Variants in GHR observed in about 807,000 individuals in gnomAD.
GHR encodes the protein GH receptor.
In GHR, 35 loss-of-function variants were observed where a neutral mutation model predicts 67.1. The observed-to-expected ratio is 0.52, with a 90% CI of 0.40 to 0.69. GHR has a LOEUF of 0.69. Ranked by LOEUF, GHR falls within the 30% of genes least tolerant of loss-of-function variation. The pLI, the probability that GHR is intolerant of heterozygous loss-of-function variation, is 0.00. For synonymous variants in GHR, 272 were observed against 269.1 expected, an observed-to-expected ratio of 1.01 and a Z score of -0.10; for missense variants, 792 against 764.6, an observed-to-expected ratio of 1.04 and a Z score of -0.42.
At chr5:42,670,548 T>C (rs1756222866) in intron 3 of GHR, among the ~76,000 whole-genome samples, 1 of 152,126 alleles carries the variant, frequency 6.6e-6, no homozygotes, top group African/African-American at 2.4e-5. Context: ...AAAACTTCTG[T>C]ACAGCAGATG....
intron 3 of GHR, among the ~76,000 whole-genome samples, chr5:42,646,111 G>C (rs1754715869): frequency 6.6e-6 from 1 of 152,068 alleles, no homozygotes; most frequent in South Asian, 2.1e-4. Flanking sequence ...CTGCCCCTAA[G>C]GTTCCATGGA....
chr5:42,611,511 T>A (rs1360248993), intron 2 of GHR, among the ~76,000 whole-genome samples: 1 of 152,174 alleles, frequency 6.6e-6, no homozygotes, highest in Non-Finnish European at 1.5e-5. Context: ...CCCCTTCCCA[T>A]GGGCCAAGCC....
chr5:42,544,384 A>G (rs1748646719), intron 1 of GHR, among the ~76,000 whole-genome samples: 1 of 152,198 alleles, frequency 6.6e-6, no homozygotes, highest in South Asian at 2.1e-4. Context: ...TTTGCTGACA[A>G]TTGTTAACAG....
chr5:42,478,233 A>G (rs1745435023), intron 1 of GHR, among the ~76,000 whole-genome samples: 1 of 152,108 alleles, frequency 6.6e-6, no homozygotes, highest in Non-Finnish European at 1.5e-5. Flanking sequence ...GTTCGGTTCC[A>G]TTGGTCTATA....
chr5:42,588,139 T>G (rs1751581226), intron 2 of GHR, among the ~76,000 whole-genome samples: 1 of 152,228 alleles, frequency 6.6e-6, no homozygotes, highest in South Asian at 2.1e-4. Context: ...CAGATCATAC[T>G]GATGCAGATT....
At chr5:42,636,932 G>A (rs1754224330) in intron 3 of GHR, among the ~76,000 whole-genome samples, 1 of 152,046 alleles carries the variant, frequency 6.6e-6, no homozygotes, top group Non-Finnish European at 1.5e-5. Flanking sequence ...TATTACTTAG[G>A]AAAAAATGTT....
chr5:42,714,386 A>C (rs1423498098), intron 8 of GHR, among the ~76,000 whole-genome samples: 1 of 152,170 alleles, frequency 6.6e-6, no homozygotes, highest in Non-Finnish European at 1.5e-5. Flanking sequence ...CCTAGAATTG[A>C]AAATACGTTC....
At chr5:42,658,313 C>A (rs1755368124) in intron 3 of GHR, among the ~76,000 whole-genome samples, 1 of 152,094 alleles carries the variant, frequency 6.6e-6, no homozygotes, top group African/African-American at 2.4e-5. Flanking sequence ...GATTCACATC[C>A]CAGCTTTGCT....
At position 42,542,743 on chromosome 5, in the gene GHR, T is replaced by C. The variant is rs371136141; in HGVS notation, c.-11-23121T>C. Among the ~76,000 whole-genome samples the C allele has an allele frequency of 4.7e-4, 71 of 152,252 alleles. 2 individuals are homozygous for C. In the South Asian group the frequency reaches 0.011, roughly 23 times the overall value. On this transcript the variant is annotated intron_variant, in intron 1 of 9. Coordinates refer to ENST00000230882, the MANE Select transcript of GHR (RefSeq NM_000163.5). ...TTTAGTTCATCCATCACCCAAGTAA[T>C]GTACATTGCACCCAATATACACCTT...
intron 1 of GHR, among the ~76,000 whole-genome samples, chr5:42,470,767 G>T (rs896489047): frequency 6.6e-6 from 1 of 152,106 alleles, no homozygotes; most frequent in African/African-American, 2.4e-5. Flanking sequence ...CAGTGCTCAG[G>T]TGTTTCTTAC....
At chr5:42,624,300 A>T (rs1013476353) in intron 2 of GHR, among the ~76,000 whole-genome samples, 11 of 152,160 alleles carry the variant, frequency 7.2e-5, no homozygotes, top group African/African-American at 2.4e-4. Context: ...CACTCTCCTT[A>T]GGATCTCATA....
intron 1 of GHR, among the ~76,000 whole-genome samples, chr5:42,474,542 A>G (rs1745208699): frequency 6.6e-6 from 1 of 152,064 alleles, no homozygotes; most frequent in South Asian, 2.1e-4. Context: ...TTGGCCAGTT[A>G]TTTCTGAATA....
At chr5:42,496,997 G>A (rs1322129304) in intron 1 of GHR, among the ~76,000 whole-genome samples, 2 of 152,180 alleles carry the variant, frequency 1.3e-5, no homozygotes, top group East Asian at 1.9e-4. Flanking sequence ...GGGGCCAGGA[G>A]TGAGGGGCCT....
At chr5:42,660,698 G>T (rs559963384) in intron 3 of GHR, among the ~76,000 whole-genome samples, 1 of 152,334 alleles carries the variant, frequency 6.6e-6, no homozygotes, top group Non-Finnish European at 1.5e-5. Context: ...CTGAAAAGCA[G>T]AGCACCTCTC....
At chr5:42,444,451 G>A (rs1743722540) in intron 1 of GHR, among the ~76,000 whole-genome samples, 2 of 152,292 alleles carry the variant, frequency 1.3e-5, no homozygotes, top group South Asian at 4.1e-4. Flanking sequence ...ACATACCTGG[G>A]TTGGGGCAGA....
intron 1 of GHR, among the ~76,000 whole-genome samples, chr5:42,495,614 C>T (rs1278892058): frequency 6.6e-6 from 1 of 151,974 alleles, no homozygotes; most frequent in Non-Finnish European, 1.5e-5. Flanking sequence ...GCACTGGTGT[C>T]AGAATTAGGC....
rs145152571 is a variant in GHR at position 42,654,490 on chromosome 5, G to A, written c.136+25387G>A. ...CTTTATAAGCCAGAAGTTGTTTTAC[G>A]TCTCACCAAATCTTATAACATGAAT... On this transcript the variant is annotated intron_variant, in intron 3 of 9. Transcript: ENST00000230882. Among the ~76,000 whole-genome samples, 55 of 152,070 alleles carry A rather than the reference G, an allele frequency of 3.6e-4. 5 individuals carry two copies. The highest frequency in any genetic ancestry group is 1.2e-3 in the African/African-American group (48 of 41,466).
chr5:42,591,712 C>G (rs1289484409), intron 2 of GHR, among the ~76,000 whole-genome samples: 1 of 152,134 alleles, frequency 6.6e-6, no homozygotes, highest in Non-Finnish European at 1.5e-5. Context: ...CAGGGAATCC[C>G]TCTGCAGCCC....
At chr5:42,504,130 T>C (rs1342658533) in intron 1 of GHR, among the ~76,000 whole-genome samples, 1 of 152,156 alleles carries the variant, frequency 6.6e-6, no homozygotes, top group Non-Finnish European at 1.5e-5. Flanking sequence ...ATGTTATTCT[T>C]TTGGAGTTAT....
Sources: allele counts gnomAD v4.1 joint callset (sites outside exome capture counted in the v4.1 genomes callset), GRCh38; gene constraint gnomAD v4.1.1; transcripts MANE v1.5; gene names NCBI Gene and HGNC (gene_info 2026-07-23, HGNC 2026-07-21).